The following ACACA variants were observed in gnomAD, a reference collection of about 807,000 sequenced individuals.
ACACA encodes acetyl-CoA carboxylase 1.
A neutral mutation model predicts 296.1 loss-of-function variants in ACACA; 103 were observed. That is an observed-to-expected ratio of 0.35 (90% CI 0.30 to 0.41). The LOEUF is 0.41. Ranked by LOEUF, ACACA falls within the 10% of genes least tolerant of loss-of-function variation. The pLI, the probability that ACACA is intolerant of heterozygous loss-of-function variation, is 1.00. For missense variants in ACACA, 1,554 were observed against 2,989.7 expected (o/e 0.52, Z 11.20); for synonymous variants, 953 against 1,038.6 (o/e 0.92, Z 1.58).
In ACACA at chr17:37,176,122, C is replaced by T. The variant is rs528022504; in HGVS notation, c.5079+3138G>A. Among the ~76,000 whole-genome samples the T allele has an allele frequency of 2.6e-5, 4 of 152,350 alleles. 1 individual carries two copies. In the South Asian group the frequency reaches 8.3e-4, roughly 32 times the overall value. On this transcript the variant is annotated intron_variant, in intron 41 of 55. Coordinates refer to ENST00000616317, the MANE Select transcript of ACACA (RefSeq NM_198834.3). ...AAATTAGAAAGACTGGCCACCCATA[C>T]AGCCAATGGTCTGATAAGTGCAGGT...
chr17:37,147,358 A>T (rs1381476289), intron 45 of ACACA, among the ~76,000 whole-genome samples: 2 of 152,168 alleles, frequency 1.3e-5, no homozygotes, highest in Non-Finnish European at 2.9e-5. Flanking sequence ...ACAAAGAGAC[A>T]GAAAGATCAG....
intron 41 of ACACA, among the ~76,000 whole-genome samples, chr17:37,165,884 C>T (rs1424771914): frequency 1.3e-5 from 2 of 152,018 alleles, no homozygotes; most frequent in Non-Finnish European, 2.9e-5. Context: ...ACCATGTTGC[C>T]CAGGCTGGTC....
intron 54 of ACACA, among the ~76,000 whole-genome samples, chr17:37,094,964 C>A (rs1233554923): frequency 6.6e-6 from 1 of 152,262 alleles, no homozygotes; most frequent in Admixed American, 6.5e-5. Flanking sequence ...AGCTTGTACA[C>A]ACGTGGTCAA....
chr17:37,247,444 C>T (rs1002963210), intron 18 of ACACA, among the ~76,000 whole-genome samples: 39 of 151,412 alleles, frequency 2.6e-4, no homozygotes, highest in African/African-American at 9.5e-4. Context: ...CTCGGCTCAC[C>T]GCAACCTCCA....
chr17:37,106,575 A>C (rs969743303), intron 52 of ACACA, among the ~76,000 whole-genome samples: 4 of 152,228 alleles, frequency 2.6e-5, no homozygotes, highest in Middle Eastern at 3.2e-3. Flanking sequence ...AATAAAAAAA[A>C]ATACTGCTCC....
chr17:37,087,648 T>TAAACCCAAAACA (rs934528918), intron 55 of ACACA, among the ~76,000 whole-genome samples: 2 of 151,846 alleles, frequency 1.3e-5, no homozygotes, highest in African/African-American at 4.8e-5. Context: ...AAAAAGGAAT[T>TAAACCCAAAACA]AAACCCAAAA....
At chr17:37,401,629 G>A (rs1001111084) in intron 1 of ACACA, among the ~76,000 whole-genome samples, 2 of 151,260 alleles carry the variant, frequency 1.3e-5, no homozygotes, top group African/African-American at 2.4e-5. Flanking sequence ...GCACAATCAC[G>A]GTCACTACAG....
intron 14 of ACACA, among the ~76,000 whole-genome samples, chr17:37,254,171 C>T (rs1205165798): frequency 6.6e-6 from 1 of 152,096 alleles, no homozygotes; most frequent in Non-Finnish European, 1.5e-5. Flanking sequence ...AAATATATGG[C>T]AGAATATCAT....
At chr17:37,175,963 G>T (rs78028585) in intron 41 of ACACA, among the ~76,000 whole-genome samples, 1,747 of 152,242 alleles carry the variant, frequency 0.011, 39 homozygotes, top group African/African-American at 0.038. Context: ...TGTTCAAAAT[G>T]CAGGTCACAT....
chr17:37,331,569 G>C (rs368385596), intron 2 of ACACA, among the ~76,000 whole-genome samples: 1 of 151,930 alleles, frequency 6.6e-6, no homozygotes, highest in African/African-American at 2.4e-5. Context: ...CACCATGCCC[G>C]GCTGACTTTT....
rs747542690 is a variant in ACACA at position 37,161,890 on chromosome 17, C to G, written c.5240G>C (p.Gly1747Ala). ...LRASELARAE[G>A]IPRIYVSANS... ...GGCTGATACATAGATGCGTGGAATA[C>G]CTTCTGCCCTAGCAAGTTCGGAAGC... The change falls in exon 42 of 56, where the codon GGT (glycine) becomes GCT (alanine). Residue 1747 changes from glycine (G) to alanine (A), a missense_variant. Physicochemically the swap from Gly to Ala is moderately conservative, Grantham distance 60. Around this residue, in one of 16 missense-constraint regions of ACACA, gnomAD observed 553 missense variants for 1,043.6 expected, o/e 0.53. Coordinates refer to ENST00000616317, the MANE Select transcript of ACACA (RefSeq NM_198834.3). 2.5e-6 allele frequency: 4 copies of G among 1,614,056 alleles called. No individual in the cohort carries two copies. The Admixed American group carries it at 6.7e-5, about 27-fold the overall frequency.
intron 46 of ACACA, 132 bp downstream of exon 46, chr17:37,129,943 T>C (rs1230963807): frequency 1.5e-6 from 2 of 1,304,916 alleles, no homozygotes; most frequent in African/African-American, 2.9e-5. Context: ...GAGAAATCAA[T>C]AGCTTTCAGA....
chr17:37,090,624 G>A (rs1597785581), intron 54 of ACACA, among the ~76,000 whole-genome samples: 1 of 152,080 alleles, frequency 6.6e-6, no homozygotes, highest in Admixed American at 6.6e-5. Context: ...AGTGTTTTGC[G>A]CCTAAGGAAA....
chr17:37,276,092 G>T, intron 7 of ACACA, 43 bp from the exon 8 acceptor site: 1 of 1,475,526 alleles, frequency 6.8e-7, no homozygotes, highest in Non-Finnish European at 9.5e-7. Flanking sequence ...TAACACCTTG[G>T]CCTCATTTCT....
chr17:37,326,536 G>GAA (rs879691516), intron 3 of ACACA, among the ~76,000 whole-genome samples: 2 of 128,280 alleles, frequency 1.6e-5, no homozygotes, highest in African/African-American at 5.8e-5. Context: ...CGTCTCAAAA[G>GAA]AAAAAAAAAA....
chr17:37,398,194 C>T (rs1359361464), intron 1 of ACACA, among the ~76,000 whole-genome samples: 6 of 141,178 alleles, frequency 4.2e-5, no homozygotes, highest in African/African-American at 1.3e-4. Context: ...CGCACCACTG[C>T]ACTCCAGCCT....
chr17:37,310,358 TTAATGTC>T (rs2084073534), intron 3 of ACACA, among the ~76,000 whole-genome samples: 1 of 152,116 alleles, frequency 6.6e-6, no homozygotes, highest in South Asian at 2.1e-4. Context: ...AATCAAGAAT[TTAATGTC>T]TATAAGACAT....
At chr17:37,199,205 A>C (rs1180862592) in intron 35 of ACACA, among the ~76,000 whole-genome samples, 2 of 151,242 alleles carry the variant, frequency 1.3e-5, no homozygotes. Context: ...GCGCCACTGC[A>C]CTCCAGCCTG....
chr17:37,371,067 A>C (rs989753072), intron 1 of ACACA, among the ~76,000 whole-genome samples: 2 of 151,760 alleles, frequency 1.3e-5, no homozygotes, highest in Admixed American at 1.3e-4. Flanking sequence ...ACATATATAG[A>C]GAGTTCAATT....
Sources: allele counts gnomAD v4.1 joint callset (sites outside exome capture counted in the v4.1 genomes callset), GRCh38; gene constraint gnomAD v4.1.1; regional missense constraint gnomAD v4.1.1; transcripts MANE v1.5; gene names NCBI Gene and HGNC (gene_info 2026-07-23, HGNC 2026-07-21).